Variants in CNTN4 observed in about 807,000 individuals in gnomAD.
CNTN4 encodes the protein contactin 4, also known as contactin-4.
In CNTN4, 77 loss-of-function variants were observed where a neutral mutation model predicts 122.5. That is an observed-to-expected ratio of 0.63 (90% CI 0.52 to 0.76). CNTN4 has a LOEUF of 0.76. Ranked by LOEUF, CNTN4 falls within the 30% of genes least tolerant of loss-of-function variation. CNTN4 has a pLI of 0.00. For synonymous variants in CNTN4, 512 were observed against 447.0 expected, an observed-to-expected ratio of 1.15 and a Z score of -1.83; for missense variants, 1,256 against 1,259.1, an observed-to-expected ratio of 1.00 and a Z score of 0.04.
intron 13 of CNTN4, among the ~76,000 whole-genome samples, chr3:2,983,162 C>G (rs998948429): frequency 9.1e-5 from 11 of 121,272 alleles, no homozygotes; most frequent in African/African-American, 3.5e-4. Context: ...TGCAGTGAGC[C>G]GAGATCGCAG....
intron 3 of CNTN4, among the ~76,000 whole-genome samples, chr3:2,500,179 T>C (rs1361173356): frequency 6.6e-6 from 1 of 152,128 alleles, no homozygotes; most frequent in Admixed American, 6.5e-5. Flanking sequence ...TATTAATTAG[T>C]ATTTTTATCT....
intron 4 of CNTN4, among the ~76,000 whole-genome samples, chr3:2,632,986 A>AT (rs546688058): frequency 3.4e-4 from 50 of 148,670 alleles, no homozygotes; most frequent in African/African-American, 1.2e-3. Context: ...TGTATATATA[A>AT]TTTATATATA....
intron 3 of CNTN4, among the ~76,000 whole-genome samples, chr3:2,455,035 G>C (rs1280176979): frequency 6.8e-6 from 1 of 146,638 alleles, no homozygotes; most frequent in Non-Finnish European, 1.6e-5. Context: ...TCTGTTAGTG[G>C]CCTTAGGGAC....
intron 6 of CNTN4, among the ~76,000 whole-genome samples, chr3:2,816,957 G>C (rs987882416): frequency 1.3e-5 from 2 of 151,966 alleles, no homozygotes; most frequent in African/African-American, 4.8e-5. Flanking sequence ...AATCATGAGT[G>C]TACAAACTTT....
intron 7 of CNTN4, among the ~76,000 whole-genome samples, chr3:2,840,528 G>C (rs989872421): frequency 2.2e-4 from 19 of 87,062 alleles, no homozygotes; most frequent in Non-Finnish European, 3.8e-4. Flanking sequence ...GTGAAACCCC[G>C]TCTCTACTAA....
intron 4 of CNTN4, among the ~76,000 whole-genome samples, chr3:2,588,030 A>G (rs1437525721): frequency 5.3e-5 from 8 of 151,628 alleles, no homozygotes; most frequent in East Asian, 1.9e-4. Flanking sequence ...TCCAATCTCT[A>G]CGCTCCCTGT....
rs55773219 is a variant in CNTN4, at chr3:2,256,201, T to C, written c.-144-82977T>C. Reference sequence around the variant, plus strand: ...AACGAGAAAATCTGGAAGAAATGTATAAATTCCTGGACACATACACCCTCC... The same window carrying C: ...AACGAGAAAATCTGGAAGAAATGTACAAATTCCTGGACACATACACCCTCC... On this transcript the variant is annotated intron_variant, in intron 2 of 24. Coordinates refer to ENST00000418658, the MANE Select transcript of CNTN4 (RefSeq NM_175607.3). 6.6e-3 allele frequency among the ~76,000 whole-genome samples: 1,012 copies of C among 152,194 alleles called. 14 individuals are homozygous for C. The highest frequency in any genetic ancestry group is 0.023 in the African/African-American group (953 of 41,516).
chr3:2,887,327 G>A, intron 10 of CNTN4, 103 bp downstream of exon 10: 1 of 1,057,088 alleles, frequency 9.5e-7, no homozygotes, highest in South Asian at 1.3e-5. Context: ...AGATGGTGCA[G>A]AATAGGACTG....
chr3:2,607,525 T>C lies in CNTN4; in HGVS notation c.55+35967T>C, dbSNP rs117973837. Among the ~76,000 whole-genome samples, 332 of 151,662 alleles carry C rather than the reference T, an allele frequency of 2.2e-3. 4 individuals are homozygous for C. In the East Asian group the frequency reaches 0.053, roughly 24 times the overall value. On this transcript the variant is annotated intron_variant, in intron 4 of 24. Transcript: ENST00000418658. ...AAATGTAAAGTGAAAATAAAAAATT[T>C]CAAAAGGATATAAAAACGTAATGTA...
At chr3:2,474,996 T>A (rs1298097613) in intron 3 of CNTN4, among the ~76,000 whole-genome samples, 1 of 152,214 alleles carries the variant, frequency 6.6e-6, no homozygotes, top group Non-Finnish European at 1.5e-5. Flanking sequence ...GCATTCAATA[T>A]TTTCATGTAA....
intron 2 of CNTN4, among the ~76,000 whole-genome samples, chr3:2,237,830 TTAAA>T (rs373714987): frequency 1.6e-4 from 24 of 152,312 alleles, no homozygotes; most frequent in African/African-American, 5.5e-4. Context: ...CATATGAAGA[TTAAA>T]TAATTAATTT....
chr3:2,479,221 A>C (rs1242589666), intron 3 of CNTN4, among the ~76,000 whole-genome samples: 3 of 152,202 alleles, frequency 2.0e-5, no homozygotes, highest in Non-Finnish European at 4.4e-5. Context: ...ATCTGTTGTT[A>C]CCATTTCTAT....
At chr3:2,909,953 A>G (rs557955838) in intron 12 of CNTN4, among the ~76,000 whole-genome samples, 192 of 152,320 alleles carry the variant, frequency 1.3e-3, no homozygotes, top group African/African-American at 4.2e-3. Context: ...TGTTTTTAAA[A>G]ATTGAACATA....
At chr3:3,042,195 C>T (rs1700224683) in intron 20 of CNTN4, 115 bp from the exon 21 acceptor site, 2 of 805,372 alleles carry the variant, frequency 2.5e-6, no homozygotes, top group Non-Finnish European at 4.2e-6. Context: ...GTTTGGCTTA[C>T]AATCATTAAG....
intron 3 of CNTN4, among the ~76,000 whole-genome samples, chr3:2,505,168 G>T (rs1219292057): frequency 6.6e-6 from 1 of 152,150 alleles, no homozygotes; most frequent in Non-Finnish European, 1.5e-5. Context: ...ATTCTTAGGA[G>T]AATTATTTAC....
At chr3:2,299,779 C>T (rs148808277) in intron 2 of CNTN4, among the ~76,000 whole-genome samples, 1 of 152,050 alleles carries the variant, frequency 6.6e-6, no homozygotes, top group African/African-American at 2.4e-5. Context: ...GTGTTATATT[C>T]TCCTCAAAAT....
chr3:2,600,210 G>C lies in CNTN4; in HGVS notation c.55+28652G>C, dbSNP rs13067583. Among the ~76,000 whole-genome samples the C allele has an allele frequency of 3.3e-5, 5 of 150,868 alleles. No homozygotes were observed. In the South Asian group the frequency reaches 1.0e-3, roughly 31 times the overall value. ...TTGTTAGACCTTGGAGGGCAGCTTA[G>C]ATTTTTTTTATACTTTAAGTTCTAG... On this transcript the variant is annotated intron_variant, in intron 4 of 24. Transcript: ENST00000418658.
chr3:2,219,559 C>T (rs925998433), intron 2 of CNTN4, among the ~76,000 whole-genome samples: 1 of 152,114 alleles, frequency 6.6e-6, no homozygotes, highest in Non-Finnish European at 1.5e-5. Context: ...ACAACCTCTC[C>T]TAGAGTTTTG....
At chr3:2,284,827 A>G (rs1297512473) in intron 2 of CNTN4, among the ~76,000 whole-genome samples, 1 of 151,914 alleles carries the variant, frequency 6.6e-6, no homozygotes, top group Non-Finnish European at 1.5e-5. Context: ...AATAATATGT[A>G]AAATATTTCT....
Sources: gnomAD v4.1 joint callset for allele counts (sites outside exome capture counted in the v4.1 genomes callset) on GRCh38, gnomAD v4.1.1 for gene constraint, MANE v1.5 for transcripts, NCBI Gene and HGNC (gene_info 2026-07-23, HGNC 2026-07-21) for gene names.